The following JAKMIP1 variants were observed in gnomAD, a reference collection of about 807,000 sequenced individuals.
The protein encoded by JAKMIP1 is janus kinase and microtubule-interacting protein 1.
In JAKMIP1, 33 loss-of-function variants were observed where a neutral mutation model predicts 113.0. The observed-to-expected ratio is 0.29, with a 90% CI of 0.22 to 0.39. The LOEUF is 0.39. Ranked by LOEUF, JAKMIP1 falls within the 10% of genes least tolerant of loss-of-function variation. JAKMIP1 has a pLI of 1.00. For synonymous variants in JAKMIP1, 480 were observed against 459.9 expected, an observed-to-expected ratio of 1.04 and a Z score of -0.56; for missense variants, 813 against 1,080.5, an observed-to-expected ratio of 0.75 and a Z score of 3.47.
intron 1 of JAKMIP1, among the ~76,000 whole-genome samples, chr4:6,161,210 T>C (rs1187165029): frequency 5.6e-5 from 5 of 88,564 alleles, no homozygotes; most frequent in African/African-American, 2.0e-4. Flanking sequence ...ATCTCCCCGA[T>C]CTCCACTCAT....
intron 1 of JAKMIP1, among the ~76,000 whole-genome samples, chr4:6,144,275 A>C (rs1720539679): frequency 6.6e-6 from 1 of 152,256 alleles, no homozygotes; most frequent in Admixed American, 6.5e-5. Context: ...GTAGAAAAGC[A>C]CAGGCCTAGA....
chr4:6,096,486 T>G (rs1488019787), intron 3 of JAKMIP1, among the ~76,000 whole-genome samples: 2 of 152,228 alleles, frequency 1.3e-5, no homozygotes, highest in Admixed American at 1.3e-4. Context: ...CTGCATGCCA[T>G]CTGTGCATCA....
intron 12 of JAKMIP1, chr4:6,054,804 C>A (rs1412289531): frequency 2.2e-6 from 1 of 456,714 alleles, no homozygotes; most frequent in East Asian, 7.0e-5. Context: ...CGAGAAGTCA[C>A]TAAAATAACG....
rs1190830659 is a variant in JAKMIP1 at position 6,094,802 on chromosome 4, TG to T, written c.625-9174del. On this transcript the variant is annotated intron_variant, in intron 3 of 20. Coordinates refer to ENST00000409021, the MANE Select transcript of JAKMIP1 (RefSeq NM_001099433.2). The surrounding 1 kb of genome is among the most constrained non-coding windows in gnomAD (Gnocchi z 4.2). ...TTAGCTCAGGAGTTCAAGACCAGCC[TG>T]GGCAACATGGAGAAACCTTGTCTCT... Among the ~76,000 whole-genome samples the T allele has an allele frequency of 2.6e-5, 4 of 152,146 alleles. No homozygotes were observed. The highest frequency in any genetic ancestry group is 5.9e-5 in the Non-Finnish European group (4 of 68,018).
chr4:6,046,309 C>T (rs1022536215), intron 16 of JAKMIP1, among the ~76,000 whole-genome samples: 1 of 152,238 alleles, frequency 6.6e-6, no homozygotes, highest in Admixed American at 6.5e-5. Flanking sequence ...AGCGGCAACA[C>T]CCAAGCTTAC....
intron 3 of JAKMIP1, 131 bp downstream of exon 3, chr4:6,105,342 G>A (rs1239668669): frequency 2.6e-6 from 2 of 762,244 alleles, no homozygotes; most frequent in East Asian, 2.7e-5. Flanking sequence ...AAGACGGGAG[G>A]GAGGTTGCTG....
intron 1 of JAKMIP1, among the ~76,000 whole-genome samples, chr4:6,196,718 A>G (rs1485408951): frequency 1.3e-5 from 2 of 152,232 alleles, no homozygotes; most frequent in Non-Finnish European, 2.9e-5. Flanking sequence ...AAAATTAGCC[A>G]GGCATGGTGG....
rs1713371455 is a variant in JAKMIP1, at chr4:6,035,931, G to C, written c.2352C>G (p.Arg784=). 6.4e-7 allele frequency: 1 copy of C among 1,550,872 alleles called. No individual in the cohort carries two copies. Among genetic ancestry groups the C allele is most frequent in the African/African-American group, 1.4e-5 (1 of 73,066 alleles). Residue 784 remains arginine (R), a synonymous_variant, in exon 19 of 21, where the codon CGC becomes CGG. Coordinates refer to ENST00000409021, the MANE Select transcript of JAKMIP1 (RefSeq NM_001099433.2). The stretch of plus-strand genomic sequence containing the variant: ...GCTGGGCCTGCTGCAGCAGCTCCAT[G>C]CGCTCCCGCAGGATCTGGCTGTCGA... The part of the protein sequence containing the change: ...REFDSQILRE[R]MELLQQAQQR...
intron 1 of JAKMIP1, among the ~76,000 whole-genome samples, chr4:6,195,172 G>A (rs1727713988): frequency 6.6e-6 from 1 of 152,220 alleles, no homozygotes; most frequent in African/African-American, 2.4e-5. Context: ...CAGAGCCGGT[G>A]CTCAAACATA....
In JAKMIP1 at chr4:6,140,212, C is replaced by A. The variant is rs1356301626; in HGVS notation, c.-147-27215G>T. Among the ~76,000 whole-genome samples, 1 of 151,982 alleles carries A rather than the reference C, an allele frequency of 6.6e-6. No individual in the cohort carries two copies. Among genetic ancestry groups the A allele is most frequent in the Admixed American group, 6.5e-5 (1 of 15,278 alleles). ...AATCAATGTTCACGTGGCTCTCCAC[C>A]CGGACATTTGGGCTGCTCCCTATTT... On this transcript the variant is annotated intron_variant, in intron 1 of 20. Transcript: ENST00000409021. The surrounding 1 kb of genome is among the most constrained non-coding windows in gnomAD (Gnocchi z 9.4).
chr4:6,119,627 C>A lies in JAKMIP1; in HGVS notation c.-147-6630G>T, dbSNP rs115802405. ...ACTTTGTTTAATGCCGGAAGGCAAC[C>A]AGCTCCTCAGAACACGAGTCTGAAT... On this transcript the variant is annotated intron_variant, in intron 1 of 20. Transcript: ENST00000409021. Among the ~76,000 whole-genome samples the A allele has an allele frequency of 6.0e-3, 907 of 152,332 alleles. 6 individuals carry two copies. Among genetic ancestry groups the A allele is most frequent in the African/African-American group, 0.021 (871 of 41,568 alleles).
In JAKMIP1 at chr4:6,185,293, T is replaced by C. The variant is rs1349372545; in HGVS notation, c.-148+14960A>G. Among the ~76,000 whole-genome samples the C allele has an allele frequency of 2.6e-5, 4 of 152,212 alleles. No homozygotes were observed. The highest frequency in any genetic ancestry group is 9.6e-5 in the African/African-American group (4 of 41,454). ...GACTAATACAAGTGGGAACCAGCCC[T>C]GTCTGCCCTAGTTCTTAAACTGGAG... On this transcript the variant is annotated intron_variant, in intron 1 of 20. Coordinates refer to ENST00000409021, the MANE Select transcript of JAKMIP1 (RefSeq NM_001099433.2). This position sits in a 1 kb window ranked among gnomAD's most constrained non-coding sequence, Gnocchi z 5.3.
intron 8 of JAKMIP1, among the ~76,000 whole-genome samples, chr4:6,077,342 G>A (rs1719822643): frequency 6.6e-6 from 1 of 152,086 alleles, no homozygotes; most frequent in African/African-American, 2.4e-5. Context: ...GGACACCAAA[G>A]ATTGCTGGGA....
chr4:6,035,375 C>T (rs527634159), intron 19 of JAKMIP1, among the ~76,000 whole-genome samples: 75 of 152,270 alleles, frequency 4.9e-4, no homozygotes, highest in Non-Finnish European at 9.0e-4. Flanking sequence ...GACAAATGCT[C>T]TGCATGATGC....
In JAKMIP1 at chr4:6,081,812, CA is replaced by C. The variant is rs1720592235; in HGVS notation, c.955-58del. ...CAACTTGACGACGGACGGCCGAGGT[CA>C]CAGCACCGAGGTGAGCAGAGACTCA... On this transcript the variant is annotated intron_variant, in intron 5 of 20. Transcript: ENST00000409021. The surrounding 1 kb of genome is among the most constrained non-coding windows in gnomAD (Gnocchi z 4.6). 1 of 1,606,066 alleles carries C rather than the reference CA, an allele frequency of 6.2e-7. No individual in the cohort carries two copies. The highest frequency in any genetic ancestry group is 1.3e-5 in the African/African-American group (1 of 74,812).
intron 12 of JAKMIP1, 31 bp downstream of exon 12, chr4:6,056,666 C>CTGTGTGCTTCCCTGAGGT: frequency 1.3e-6 from 2 of 1,588,180 alleles, no homozygotes; most frequent in Non-Finnish European, 1.7e-6. Flanking sequence ...TGCCCTGCGG[C>CTGTGTGCTTCCCTGAGGT]TGTGTGCTTC....
rs1270921051 is a variant in JAKMIP1, at chr4:6,138,217, C to A, written c.-147-25220G>T. Among the ~76,000 whole-genome samples the A allele has an allele frequency of 6.6e-6, 1 of 152,162 alleles. No individual in the cohort carries two copies. The highest frequency in any genetic ancestry group is 1.5e-5 in the Non-Finnish European group (1 of 68,006). On this transcript the variant is annotated intron_variant, in intron 1 of 20. Transcript: ENST00000409021. This position sits in a 1 kb window ranked among gnomAD's most constrained non-coding sequence, Gnocchi z 6.0. The stretch of plus-strand genomic sequence containing the variant: ...AACACAGATGAAAGCTGGGGTACCC[C>A]AGAACCCAAGTTAATTTAATTTTTA...
rs1011925491 is a variant in JAKMIP1 at position 6,181,895 on chromosome 4, C to T, written c.-148+18358G>A. ...ACAGACAGATGTACAGGGAGGGACC[C>T]GCCCTGGCCTTGGGAGGATGGGTGA... On this transcript the variant is annotated intron_variant, in intron 1 of 20. Coordinates refer to ENST00000409021, the MANE Select transcript of JAKMIP1 (RefSeq NM_001099433.2). The surrounding 1 kb of genome is among the most constrained non-coding windows in gnomAD (Gnocchi z 5.4). Among the ~76,000 whole-genome samples the T allele has an allele frequency of 1.3e-5, 2 of 152,170 alleles. No individual in the cohort carries two copies. Among genetic ancestry groups the T allele is most frequent in the South Asian group, 4.2e-4 (2 of 4,804 alleles).
chr4:6,099,373 T>C (rs1712626741), intron 3 of JAKMIP1, among the ~76,000 whole-genome samples: 1 of 152,230 alleles, frequency 6.6e-6, no homozygotes, highest in Admixed American at 6.5e-5. Context: ...TTTTTATCTG[T>C]GCCTCCTTGT....
Sources: allele counts gnomAD v4.1 joint callset (sites outside exome capture counted in the v4.1 genomes callset), GRCh38; gene constraint gnomAD v4.1.1; non-coding constraint Gnocchi (gnomAD v3.1); transcripts MANE v1.5; gene names NCBI Gene and HGNC (gene_info 2026-07-23, HGNC 2026-07-21).